ZNF655: variants seen among roughly 807,000 people sequenced by gnomAD.
The protein encoded by ZNF655 is Vav-interacting Kruppel-like protein 1.
A neutral mutation model predicts 6.6 loss-of-function variants in ZNF655; 3 were observed. The observed-to-expected ratio is 0.46, with a 90% CI of 0.21 to 1.18. ZNF655 has a LOEUF of 1.18. Ranked by LOEUF, ZNF655 falls within the 50% of genes most tolerant of loss-of-function variation. The pLI, the probability that ZNF655 is intolerant of heterozygous loss-of-function variation, is 0.24. For missense variants in ZNF655, 526 were observed against 572.3 expected, an observed-to-expected ratio of 0.92 and a Z score of 0.83; for synonymous variants, 178 against 195.0, an observed-to-expected ratio of 0.91 and a Z score of 0.73.
chr7:99,567,304 C>A (rs1333097025), intron 2 of ZNF655, among the ~76,000 whole-genome samples: 1 of 152,090 alleles, frequency 6.6e-6, no homozygotes. Context: ...GAGGCCAAGG[C>A]AGGCGGATCA....
chr7:99,574,949 T>A lies in ZNF655; in HGVS notation c.*1365T>A, dbSNP rs1260330010. On this transcript the variant is annotated 3_prime_UTR_variant, in exon 3 of 3. Coordinates refer to ENST00000252713, the MANE Select transcript of ZNF655 (RefSeq NM_138494.3). ...TTTCCTAAAGTGAAGCATCTTTTTT[T>A]AAAAAAGAATTTGATTGACAATATA... The A allele has an allele frequency of 1.3e-5, 2 of 152,294 alleles. No individual in the cohort carries two copies. The highest frequency in any genetic ancestry group is 2.9e-5 in the Non-Finnish European group (2 of 68,038). 9.4% of individuals were successfully genotyped at this position (152,294 alleles called of 1,614,324 possible).
In ZNF655 at chr7:99,573,638, A is replaced by G. The variant is rs73713519; in HGVS notation, c.*54A>G. On this transcript the variant is annotated 3_prime_UTR_variant, in exon 3 of 3. Transcript: ENST00000252713. ...AAATTCAGGCTTCATTCAGCATCTG[A>G]GAGTTCACACCAGGGAGAAATCATG... 1,399 of 1,554,490 alleles carry G rather than the reference A, an allele frequency of 9.0e-4. 15 individuals are homozygous for G. In the African/African-American group the frequency reaches 0.017, roughly 19 times the overall value.
chr7:99,561,842 C>T, intron 2 of ZNF655: 1 of 1,353,554 alleles, frequency 7.4e-7, no homozygotes, highest in Non-Finnish European at 9.7e-7. Flanking sequence ...AAAGGGAGCC[C>T]TGGGAAAGGG....
intron 2 of ZNF655, chr7:99,563,192 A>G (rs1369427588): frequency 4.4e-6 from 2 of 455,646 alleles, no homozygotes; most frequent in Non-Finnish European, 8.8e-6. Context: ...TGAAAGGTAC[A>G]GTGGGAAGCT....
In ZNF655 at chr7:99,574,172, A is replaced by G. The variant is rs1453909038; in HGVS notation, c.*588A>G. Reference sequence around the variant, plus strand: ...AATATCCATAGTAGACAAGAATTTGATGTAACGCAAATGGAAAAACTCGAC... The same window carrying G: ...AATATCCATAGTAGACAAGAATTTGGTGTAACGCAAATGGAAAAACTCGAC... On this transcript the variant is annotated 3_prime_UTR_variant, in exon 3 of 3. Transcript: ENST00000252713. The G allele has an allele frequency of 6.6e-6, 1 of 152,274 alleles. No individual in the cohort carries two copies. The highest frequency in any genetic ancestry group is 1.5e-5 in the Non-Finnish European group (1 of 68,070). The allele number at this position is 152,274 out of a possible 1,614,324, so 9.4% of individuals were successfully genotyped here.
intron 2 of ZNF655, among the ~76,000 whole-genome samples, chr7:99,565,463 C>T (rs115606013): frequency 1.9e-3 from 290 of 152,316 alleles, no homozygotes; most frequent in African/African-American, 6.7e-3. Flanking sequence ...AGCCACTGCG[C>T]CTGGCCTCCA....
Position 99,575,038 on chromosome 7 carries a change from T to C in ZNF655, c.*1454T>C, listed in dbSNP as rs1482432542. 6.6e-6 allele frequency: 1 copy of C among 152,630 alleles called. No homozygotes were observed. Among genetic ancestry groups the C allele is most frequent in the Non-Finnish European group, 1.5e-5 (1 of 68,040 alleles). 9.5% of individuals were successfully genotyped at this position (152,630 alleles called of 1,614,324 possible). On this transcript the variant is annotated 3_prime_UTR_variant, in exon 3 of 3. Coordinates refer to ENST00000252713, the MANE Select transcript of ZNF655 (RefSeq NM_138494.3). ...GATTGTAGCAGGCAGCCAAACATTT[T>C]CAAATGATGCCCAAGGTTTTAGCTG...
intron 1 of ZNF655, 66 bp downstream of exon 1, chr7:99,558,853 A>T (rs1433115176): frequency 6.6e-6 from 1 of 152,272 alleles, no homozygotes; most frequent in Non-Finnish European, 1.5e-5. Flanking sequence ...TCACGGGAGT[A>T]GAAGGAGGCG....
Position 99,572,566 on chromosome 7 carries a change from T to G in ZNF655, c.458T>G (p.Ile153Arg). 6.2e-7 allele frequency: 1 copy of G among 1,613,922 alleles called. No homozygotes were observed. Among genetic ancestry groups the G allele is most frequent in the Non-Finnish European group, 8.5e-7 (1 of 1,179,958 alleles). The change falls in exon 3 of 3, where the codon ATA (isoleucine) becomes AGA (arginine). Residue 153 changes from isoleucine (I) to arginine (R), a missense_variant. Ile to Arg is a moderately conservative substitution (Grantham distance 97). Coordinates refer to ENST00000252713, the MANE Select transcript of ZNF655 (RefSeq NM_138494.3). Reference protein sequence around the residue: ...TIDADQRVLRIQNTDDNDKYD... With the variant: ...TIDADQRVLRRQNTDDNDKYD... Reference sequence around the variant, plus strand: ...GATGCAGATCAGAGAGTTCTTAGAATACAGAATACCGATGACAATGATAAG... The same window carrying G: ...GATGCAGATCAGAGAGTTCTTAGAAGACAGAATACCGATGACAATGATAAG...
chr7:99,574,116 A>G lies in ZNF655; in HGVS notation c.*532A>G, dbSNP rs1804267430. ...GGTGTAGTAAATGGCAGATCTTTCA[A>G]TAGGAGTTTAACTAGTCTTTGTCAT... is the stretch of plus-strand genomic sequence containing the variant. On this transcript the variant is annotated 3_prime_UTR_variant, in exon 3 of 3. Transcript: ENST00000252713. 1 of 153,562 alleles carries G rather than the reference A, an allele frequency of 6.5e-6. No individual in the cohort carries two copies. 9.5% of individuals were successfully genotyped at this position (153,562 alleles called of 1,614,324 possible).
intron 2 of ZNF655, among the ~76,000 whole-genome samples, chr7:99,569,252 G>T (rs1803860327): frequency 6.6e-6 from 1 of 152,098 alleles, no homozygotes; most frequent in Admixed American, 6.6e-5. Flanking sequence ...AAATCAAAAA[G>T]TTTTAATACA....
chr7:99,573,737 G>A lies in ZNF655; in HGVS notation c.*153G>A. The A allele has an allele frequency of 1.2e-6, 1 of 847,874 alleles. No homozygotes were observed. The highest frequency in any genetic ancestry group is 1.8e-6 in the Non-Finnish European group (1 of 557,060). The allele number at this position is 847,874 out of a possible 1,614,324, so 52.5% of individuals were successfully genotyped here. On this transcript the variant is annotated 3_prime_UTR_variant, in exon 3 of 3. Coordinates refer to ENST00000252713, the MANE Select transcript of ZNF655 (RefSeq NM_138494.3). ...AGCATCAGATAATTCACACCAGAGA[G>A]AAACCCTCTGAATGTGACGAATGAA...
At position 99,572,296 on chromosome 7, in the gene ZNF655, C is replaced by T. The variant is rs753484017; in HGVS notation, c.188C>T (p.Ser63Leu). Residue 63 changes from serine to leucine, a missense_variant, in exon 3 of 3, where the codon TCG becomes TTG. Physicochemically the swap from Ser to Leu is moderately radical, Grantham distance 145. Transcript: ENST00000252713. Reference protein sequence around the residue: ...NKLLIPKQKISEEVHSYKVRV... With the variant: ...NKLLIPKQKILEEVHSYKVRV... ...CTGTTGATTCCTAAGCAGAAAATTT[C>T]GGAAGAAGTGCATTCATACAAAGTG... The T allele has an allele frequency of 1.1e-5, 18 of 1,611,362 alleles. No individual in the cohort carries two copies. The highest frequency in any genetic ancestry group is 3.4e-5 in the Admixed American group (2 of 59,646).
intron 2 of ZNF655, among the ~76,000 whole-genome samples, chr7:99,565,239 G>C (rs970528765): frequency 2.6e-5 from 4 of 151,326 alleles, no homozygotes; most frequent in African/African-American, 9.7e-5. Flanking sequence ...CACCATCTCT[G>C]CTCACCGCAA....
chr7:99,563,906 T>C, intron 2 of ZNF655: 1 of 1,613,468 alleles, frequency 6.2e-7, no homozygotes, highest in South Asian at 1.1e-5. Context: ...ATAGTGTGAA[T>C]TCCTGCCCGG....
At position 99,576,107 on chromosome 7, in the gene ZNF655, C is replaced by T. The variant is rs1804379903; in HGVS notation, c.*2523C>T. Reference sequence around the variant, plus strand: ...AACAAATATATAAAAATATGTTGCTCACTCTATAATCCTCCTATGGCTAAC... The same window carrying T: ...AACAAATATATAAAAATATGTTGCTTACTCTATAATCCTCCTATGGCTAAC... On this transcript the variant is annotated 3_prime_UTR_variant, in exon 3 of 3. Transcript: ENST00000252713. 6.6e-6 allele frequency: 1 copy of T among 152,206 alleles called. No homozygotes were observed. The highest frequency in any genetic ancestry group is 2.1e-4 in the South Asian group (1 of 4,822). 9.4% of individuals were successfully genotyped at this position (152,206 alleles called of 1,614,324 possible).
rs1320196390 is a variant in ZNF655 at position 99,575,923 on chromosome 7, G to A, written c.*2339G>A. On this transcript the variant is annotated 3_prime_UTR_variant, in exon 3 of 3. Transcript: ENST00000252713. ...GGCCACCATCATATACCTAACAAGA[G>A]TTCATGATTCTTTAGGTAATGTCAA... is the stretch of plus-strand genomic sequence containing the variant. 3 of 152,148 alleles carry A rather than the reference G, an allele frequency of 2.0e-5. No homozygotes were observed. The highest frequency in any genetic ancestry group is 4.4e-5 in the Non-Finnish European group (3 of 68,038). 9.4% of individuals were successfully genotyped at this position (152,148 alleles called of 1,614,324 possible).
intron 2 of ZNF655, chr7:99,564,053 A>G: frequency 6.2e-7 from 1 of 1,601,844 alleles, no homozygotes; most frequent in Non-Finnish European, 8.5e-7. Context: ...CTTTTCCACG[A>G]TTGTGAGATA....
rs930454629 is a variant in ZNF655, at chr7:99,574,631, C to T, written c.*1047C>T. The stretch of plus-strand genomic sequence containing the variant: ...TTTTTTGAAATTGGTTCTTAGTGTT[C>T]ACAACTTCCATAAGATACTGCTAAT... On this transcript the variant is annotated 3_prime_UTR_variant, in exon 3 of 3. Coordinates refer to ENST00000252713, the MANE Select transcript of ZNF655 (RefSeq NM_138494.3). 1 of 152,172 alleles carries T rather than the reference C, an allele frequency of 6.6e-6. No individual in the cohort carries two copies. The highest frequency in any genetic ancestry group is 6.5e-5 in the Admixed American group (1 of 15,278). The allele number at this position is 152,172 out of a possible 1,614,324, so 9.4% of individuals were successfully genotyped here. A position where few individuals can be genotyped will look rare whatever the true frequency, so the allele number is the denominator to read the frequency against.
Sources: gnomAD v4.1 joint callset for allele counts (sites outside exome capture counted in the v4.1 genomes callset) on GRCh38, gnomAD v4.1.1 for gene constraint, MANE v1.5 for transcripts, NCBI Gene and HGNC (gene_info 2026-07-23, HGNC 2026-07-21) for gene names.